The following RIMS1 variants were observed in gnomAD, a reference collection of about 807,000 sequenced individuals.
The protein encoded by RIMS1 is regulating synaptic membrane exocytosis 1, also known as regulating synaptic membrane exocytosis protein 1.
Under a neutral mutation model 214.1 loss-of-function variants are expected in RIMS1, and 83 were observed. The ratio of observed to expected loss-of-function variants is 0.39; its 90% CI spans 0.32 to 0.47. The LOEUF is 0.47. RIMS1 is among the 20% of genes least tolerant of loss of function. RIMS1 has a pLI of 0.99. For synonymous variants in RIMS1, 793 were observed against 786.8 expected (o/e 1.01, Z -0.13); for missense variants, 2,050 against 2,161.8 (o/e 0.95, Z 1.03).
chr6:72,039,209 T>G (rs1360594786), intron 2 of RIMS1, among the ~76,000 whole-genome samples: 2 of 152,128 alleles, frequency 1.3e-5, no homozygotes, highest in Non-Finnish European at 2.9e-5. Context: ...GCAACATACC[T>G]GTTTCAAATA....
chr6:72,389,258 T>C (rs1244210913), intron 29 of RIMS1, among the ~76,000 whole-genome samples: 1 of 152,218 alleles, frequency 6.6e-6, no homozygotes, highest in African/African-American at 2.4e-5. Context: ...TACTAACCAT[T>C]GTCTTCCTTG....
At chr6:72,118,065 T>C (rs1486215005) in intron 4 of RIMS1, among the ~76,000 whole-genome samples, 1 of 151,826 alleles carries the variant, frequency 6.6e-6, no homozygotes, top group Non-Finnish European at 1.5e-5. Context: ...GATCCAAATA[T>C]GCCCAATTAC....
At chr6:72,251,142 A>C in intron 14 of RIMS1, 50 bp downstream of exon 14, 2 of 1,554,992 alleles carry the variant, frequency 1.3e-6, no homozygotes, top group Non-Finnish European at 8.7e-7. Flanking sequence ...AAGTTTTGTG[A>C]TATTTATTAT....
rs1163292906 is a variant in RIMS1 at position 71,957,918 on chromosome 6, TC to T, written c.165-11064del. Among the ~76,000 whole-genome samples the T allele has an allele frequency of 4.6e-5, 7 of 152,168 alleles. No homozygotes were observed. In the East Asian group the frequency reaches 1.4e-3, roughly 29 times the overall value. ...TAATTAAAAATTAATTTAAGCAACTTCAAGGAAATAAAATGGTTTAGTAATA... is the reference window on the plus strand; with the variant it reads ...TAATTAAAAATTAATTTAAGCAACTTAAGGAAATAAAATGGTTTAGTAATA... On this transcript the variant is annotated intron_variant, in intron 1 of 33. Coordinates refer to ENST00000521978, the MANE Select transcript of RIMS1 (RefSeq NM_014989.7).
At chr6:72,070,589 A>C (rs556064274) in intron 2 of RIMS1, among the ~76,000 whole-genome samples, 1 of 152,300 alleles carries the variant, frequency 6.6e-6, no homozygotes, top group South Asian at 2.1e-4. Flanking sequence ...AACAACTTTA[A>C]AATCAAGTTT....
At chr6:72,109,564 T>G (rs2153818056) in intron 4 of RIMS1, among the ~76,000 whole-genome samples, 1 of 151,228 alleles carries the variant, frequency 6.6e-6, no homozygotes, top group African/African-American at 2.4e-5. Context: ...TTTTTTCTTG[T>G]AAATTTGTTT....
At chr6:72,008,299 G>C (rs1254322916) in intron 2 of RIMS1, among the ~76,000 whole-genome samples, 1 of 152,190 alleles carries the variant, frequency 6.6e-6, no homozygotes, top group Non-Finnish European at 1.5e-5. Flanking sequence ...CACCAGGCCT[G>C]CCTTAAAAGA....
intron 4 of RIMS1, among the ~76,000 whole-genome samples, chr6:72,152,892 A>G (rs866903115): frequency 5.7e-4 from 76 of 133,960 alleles, no homozygotes; most frequent in African/African-American, 1.8e-3. Context: ...ATGTATATAT[A>G]TGTATATATA....
chr6:71,964,965 G>A (rs1583635374), intron 1 of RIMS1, among the ~76,000 whole-genome samples: 1 of 152,092 alleles, frequency 6.6e-6, no homozygotes, highest in East Asian at 1.9e-4. Context: ...TCAGTGATCA[G>A]CAAATCAGAA....
intron 28 of RIMS1, among the ~76,000 whole-genome samples, chr6:72,330,834 G>A (rs1054837802): frequency 1.3e-5 from 2 of 151,518 alleles, no homozygotes; most frequent in Non-Finnish European, 3.0e-5. Context: ...TCAGTTAGAA[G>A]AAATGAAAAT....
chr6:72,188,448 A>C (rs1022379650), intron 6 of RIMS1, among the ~76,000 whole-genome samples: 1 of 152,248 alleles, frequency 6.6e-6, no homozygotes, highest in Non-Finnish European at 1.5e-5. Context: ...TATGAAGTCA[A>C]TAAATCTTAT....
intron 6 of RIMS1, among the ~76,000 whole-genome samples, chr6:72,213,978 T>C (rs760344366): frequency 6.2e-4 from 94 of 152,128 alleles, no homozygotes; most frequent in Non-Finnish European, 1.1e-3. Context: ...ATATTTTAAA[T>C]GAGTAAATAT....
Position 72,266,215 on chromosome 6 carries a change from C to T in RIMS1, c.3398+166C>T, listed in dbSNP as rs79461507. On this transcript the variant is annotated intron_variant, in intron 22 of 33. Transcript: ENST00000521978. ...TTATACATGTCTATTTAGAGATATG[C>T]GTATGTGGATAAACCCAAGGGTACA... 135 of 662,560 alleles carry T rather than the reference C, an allele frequency of 2.0e-4. 1 individual carries two copies. In the East Asian group the frequency reaches 3.3e-3, roughly 16 times the overall value. 41.0% of individuals were successfully genotyped at this position (662,560 alleles called of 1,614,324 possible).
chr6:72,032,280 A>C (rs1412928647), intron 2 of RIMS1, among the ~76,000 whole-genome samples: 1 of 152,106 alleles, frequency 6.6e-6, no homozygotes, highest in Admixed American at 6.6e-5. Context: ...AAAATACAGC[A>C]AGAACTGATT....
intron 2 of RIMS1, among the ~76,000 whole-genome samples, chr6:71,986,195 T>G (rs9446526): frequency 7.0e-4 from 94 of 133,626 alleles, no homozygotes; most frequent in Middle Eastern, 3.7e-3. Context: ...GTTTTGTTTT[T>G]TTTTTTTTTT....
chr6:71,915,337 A>G (rs998445954), intron 1 of RIMS1, among the ~76,000 whole-genome samples: 3 of 152,184 alleles, frequency 2.0e-5, no homozygotes, highest in African/African-American at 7.2e-5. Flanking sequence ...GATCCAGAAG[A>G]AATCAGTCTA....
At chr6:72,364,813 G>A (rs1292214221) in intron 29 of RIMS1, among the ~76,000 whole-genome samples, 4 of 152,184 alleles carry the variant, frequency 2.6e-5, no homozygotes, top group African/African-American at 4.8e-5. Flanking sequence ...TCCTCTGAGC[G>A]TGAGGAAATT....
intron 6 of RIMS1, among the ~76,000 whole-genome samples, chr6:72,232,983 C>G (rs2062592825): frequency 6.6e-6 from 1 of 151,690 alleles, no homozygotes; most frequent in South Asian, 2.1e-4. Flanking sequence ...TTGAGTTAAT[C>G]TGATGTTGAA....
intron 1 of RIMS1, among the ~76,000 whole-genome samples, chr6:71,939,714 A>G (rs1285290106): frequency 2.0e-5 from 3 of 152,278 alleles, no homozygotes; most frequent in Admixed American, 6.5e-5. Flanking sequence ...TAATTGATCT[A>G]ATTTATTCAT....
Sources: gnomAD v4.1 joint callset for allele counts (sites outside exome capture counted in the v4.1 genomes callset) on GRCh38, gnomAD v4.1.1 for gene constraint, MANE v1.5 for transcripts, NCBI Gene and HGNC (gene_info 2026-07-23, HGNC 2026-07-21) for gene names.